The following CFAP20DC variants were observed in gnomAD, a reference collection of about 807,000 sequenced individuals.
CFAP20DC encodes CFAP20 domain containing, also known as protein CFAP20DC.
A neutral mutation model predicts 101.7 loss-of-function variants in CFAP20DC; 84 were observed. The observed-to-expected ratio is 0.83, with a 90% CI of 0.69 to 0.99. The LOEUF (loss-of-function observed/expected upper bound fraction) is 0.99. Ranked by LOEUF, CFAP20DC falls within the 50% of genes least tolerant of loss-of-function variation. The pLI, the probability that CFAP20DC is intolerant of heterozygous loss-of-function variation, is 0.00. For missense variants in CFAP20DC, 1,007 were observed against 970.3 expected (o/e 1.04, Z -0.50); for synonymous variants, 359 against 351.2 (o/e 1.02, Z -0.25).
At chr3:58,919,932 T>C (rs2085157132) in intron 5 of CFAP20DC, among the ~76,000 whole-genome samples, 1 of 152,192 alleles carries the variant, frequency 6.6e-6, no homozygotes, top group African/African-American at 2.4e-5. Flanking sequence ...TTTACATAAA[T>C]GATGACGTTG....
At chr3:58,995,182 G>T (rs922648475) in intron 4 of CFAP20DC, among the ~76,000 whole-genome samples, 1 of 152,096 alleles carries the variant, frequency 6.6e-6, no homozygotes, top group African/African-American at 2.4e-5. Context: ...GATATTAGGA[G>T]ATACAGTTGC....
intron 15 of CFAP20DC, among the ~76,000 whole-genome samples, chr3:58,792,141 C>T (rs1278045810): frequency 6.6e-6 from 1 of 152,116 alleles, no homozygotes; most frequent in Non-Finnish European, 1.5e-5. Flanking sequence ...TTATTTACCC[C>T]AAGTTGAGAG....
chr3:58,884,886 T>A (rs950493695), intron 6 of CFAP20DC, among the ~76,000 whole-genome samples, 177 bp from the exon 7 acceptor site: 1 of 152,180 alleles, frequency 6.6e-6, no homozygotes, highest in East Asian at 1.9e-4. Context: ...TTTTACTGCT[T>A]ACTTCCTAGG....
chr3:58,932,710 G>C (rs1470046383), intron 5 of CFAP20DC, among the ~76,000 whole-genome samples: 1 of 152,164 alleles, frequency 6.6e-6, no homozygotes, highest in Non-Finnish European at 1.5e-5. Flanking sequence ...ATCCTTTACA[G>C]ACAAGCAAAT....
chr3:58,825,129 G>T (rs2075955278), intron 14 of CFAP20DC, among the ~76,000 whole-genome samples: 1 of 152,088 alleles, frequency 6.6e-6, no homozygotes, highest in Non-Finnish European at 1.5e-5. Context: ...AGGATCTGAG[G>T]GAGTCAGTCT....
chr3:58,884,889 T>A (rs1435731328), intron 6 of CFAP20DC, among the ~76,000 whole-genome samples, 180 bp from the exon 7 acceptor site: 1 of 152,200 alleles, frequency 6.6e-6, no homozygotes, highest in East Asian at 1.9e-4. Context: ...TACTGCTTAC[T>A]TCCTAGGGTA....
chr3:58,829,541 T>A (rs2076259175), intron 14 of CFAP20DC, among the ~76,000 whole-genome samples: 1 of 152,118 alleles, frequency 6.6e-6, no homozygotes, highest in South Asian at 2.1e-4. Flanking sequence ...GTAGTTCCAA[T>A]GTTAGATAGA....
At position 58,988,920 on chromosome 3, in the gene CFAP20DC, T is replaced by C. The variant is rs2092839767; in HGVS notation, c.278+50637A>G. ...CCCATGGTTCCAAATGTTATGATGA[T>C]GTCTTTTGCCAGGAGTTCATTTCTA... On this transcript the variant is annotated intron_variant, in intron 4 of 16. Coordinates refer to ENST00000482387, the MANE Select transcript of CFAP20DC (RefSeq NM_001394063.1). 2.6e-5 allele frequency among the ~76,000 whole-genome samples: 4 copies of C among 152,168 alleles called. No individual in the cohort carries two copies. In the South Asian group the frequency reaches 8.3e-4, roughly 31 times the overall value.
At chr3:58,944,887 C>T (rs192759108) in intron 4 of CFAP20DC, among the ~76,000 whole-genome samples, 1 of 151,992 alleles carries the variant, frequency 6.6e-6, no homozygotes, top group Admixed American at 6.5e-5. Context: ...TGTGTTAATT[C>T]GTGTAAAGAA....
chr3:58,944,707 C>T (rs187481605), intron 4 of CFAP20DC, among the ~76,000 whole-genome samples: 63 of 149,502 alleles, frequency 4.2e-4, no homozygotes, highest in African/African-American at 1.6e-3. Flanking sequence ...CTGAAAACCA[C>T]TCCCCTTTCA....
chr3:58,747,229 A>T (rs1232576614), intron 16 of CFAP20DC, among the ~76,000 whole-genome samples: 1 of 152,194 alleles, frequency 6.6e-6, no homozygotes, highest in Non-Finnish European at 1.5e-5. Context: ...ATCTATTTAC[A>T]AACTTTCAGC....
rs145131894 is a variant in CFAP20DC, at chr3:58,866,654, T to A, written c.1170A>T (p.Lys390Asn). 3.1e-6 allele frequency: 5 copies of A among 1,594,210 alleles called. No homozygotes were observed. The African/African-American group carries it at 6.7e-5, about 21-fold the overall frequency. ...ACACAGTGGTGAGGATAGTTGATGC[T>A]TTATCTTCAATCCTATTATTTCCTG... ...SSSGNNRIED[K>N]ASTILTTVSQ... is the part of the protein sequence containing the mutation. Residue 390 changes from lysine (K) to asparagine (N), a missense_variant, in exon 11 of 17, where the codon AAA (lysine) becomes AAT (asparagine). Transcript: ENST00000482387.
intron 3 of CFAP20DC, among the ~76,000 whole-genome samples, chr3:59,040,372 C>A (rs1699253320): frequency 1.3e-5 from 2 of 152,142 alleles, no homozygotes; most frequent in Middle Eastern, 3.4e-3. Flanking sequence ...CTCTCCAGAT[C>A]TGTTCACTTA....
rs1576746319 is a variant in CFAP20DC, at chr3:59,021,356, A to C, written c.278+18201T>G. Among the ~76,000 whole-genome samples, 3 of 152,058 alleles carry C rather than the reference A, an allele frequency of 2.0e-5. No individual in the cohort carries two copies. In the East Asian group the frequency reaches 5.8e-4, roughly 29 times the overall value. ...GAAAAATTTCAGCAACCATTTACCCATGAATGCCAGTAGAGGGGCTCAGGA... is the reference window on the plus strand; with the variant it reads ...GAAAAATTTCAGCAACCATTTACCCCTGAATGCCAGTAGAGGGGCTCAGGA... On this transcript the variant is annotated intron_variant, in intron 4 of 16. Coordinates refer to ENST00000482387, the MANE Select transcript of CFAP20DC (RefSeq NM_001394063.1).
intron 14 of CFAP20DC, among the ~76,000 whole-genome samples, chr3:58,824,018 A>G (rs1321091378): frequency 2.0e-5 from 3 of 152,070 alleles, no homozygotes; most frequent in African/African-American, 7.2e-5. Context: ...CAACTTGCAC[A>G]TTTCAATATT....
At chr3:58,959,374 G>C (rs913772042) in intron 4 of CFAP20DC, among the ~76,000 whole-genome samples, 2 of 152,196 alleles carry the variant, frequency 1.3e-5, no homozygotes, top group African/African-American at 4.8e-5. Context: ...GATTACAGGC[G>C]TAAGCCACTG....
At chr3:58,814,104 T>A (rs2074912369) in intron 14 of CFAP20DC, among the ~76,000 whole-genome samples, 1 of 151,908 alleles carries the variant, frequency 6.6e-6, no homozygotes, top group African/African-American at 2.4e-5. Context: ...TGAATGGACC[T>A]CTGCCTATTT....
chr3:58,958,625 A>G (rs1390901825), intron 4 of CFAP20DC, among the ~76,000 whole-genome samples: 1 of 152,170 alleles, frequency 6.6e-6, no homozygotes, highest in Non-Finnish European at 1.5e-5. Flanking sequence ...AACACCTGAT[A>G]TTATATTTTT....
intron 4 of CFAP20DC, among the ~76,000 whole-genome samples, chr3:58,949,698 C>A (rs927766570): frequency 6.6e-6 from 1 of 152,042 alleles, no homozygotes; most frequent in East Asian, 1.9e-4. Flanking sequence ...GCAGAAAAGG[C>A]CTTTGACAAA....
Sources: gnomAD v4.1 joint callset for allele counts (sites outside exome capture counted in the v4.1 genomes callset) on GRCh38, gnomAD v4.1.1 for gene constraint, MANE v1.5 for transcripts, NCBI Gene and HGNC (gene_info 2026-07-23, HGNC 2026-07-21) for gene names.